The following GALNTL6 variants were observed in gnomAD, a reference collection of about 807,000 sequenced individuals.
The protein encoded by GALNTL6 is polypeptide N-acetylgalactosaminyltransferase-like 6.
In GALNTL6, 46 loss-of-function variants were observed where a neutral mutation model predicts 73.7. The observed-to-expected ratio is 0.62, with a 90% CI of 0.49 to 0.80. The LOEUF is 0.80. Among genes scored for constraint, GALNTL6 ranks in the 30% least tolerant of loss-of-function variants. The pLI, the probability that GALNTL6 is intolerant of heterozygous loss-of-function variation, is 0.00. For synonymous variants in GALNTL6, 259 were observed against 263.7 expected (o/e 0.98, Z 0.17); for missense variants, 604 against 755.0 (o/e 0.80, Z 2.34).
chr4:171,950,456 G>A (rs1011263290), intron 2 of GALNTL6, among the ~76,000 whole-genome samples: 6 of 150,086 alleles, frequency 4.0e-5, no homozygotes, highest in Non-Finnish European at 7.4e-5. Context: ...AGATAGGTGG[G>A]TGAGCAAAGT....
At chr4:172,268,038 GA>G (rs1738508971) in intron 3 of GALNTL6, among the ~76,000 whole-genome samples, 1 of 152,146 alleles carries the variant, frequency 6.6e-6, no homozygotes, top group Admixed American at 6.6e-5. Context: ...TTAGGGATTA[GA>G]AAAACTAGCA....
intron 2 of GALNTL6, among the ~76,000 whole-genome samples, chr4:172,132,612 G>A (rs1733529435): frequency 6.6e-6 from 1 of 151,920 alleles, no homozygotes; most frequent in South Asian, 2.1e-4. Flanking sequence ...TTAAATATAT[G>A]TTATTACTTC....
intron 5 of GALNTL6, among the ~76,000 whole-genome samples, chr4:172,542,973 T>G (rs2110878700): frequency 6.6e-6 from 1 of 151,764 alleles, no homozygotes; most frequent in Middle Eastern, 3.4e-3. Flanking sequence ...GGCACGTGCC[T>G]GTAATCTCAG....
At chr4:172,979,885 T>TC (rs749706819) in intron 10 of GALNTL6, among the ~76,000 whole-genome samples, 19 of 152,220 alleles carry the variant, frequency 1.2e-4, no homozygotes, top group Non-Finnish European at 2.5e-4. Flanking sequence ...TCTAATGTCC[T>TC]CCCCGCAATT....
In GALNTL6 at chr4:171,900,332, G is replaced by A. The variant is rs554722709; in HGVS notation, c.138+85614G>A. On this transcript the variant is annotated intron_variant, in intron 2 of 12. Coordinates refer to ENST00000506823, the MANE Select transcript of GALNTL6 (RefSeq NM_001034845.3). ...TATTTATTTATTTATTTTTGAGACAGAGTCTCACTCTGTTGCCCAGGCTGG... is the reference window on the plus strand; with the variant it reads ...TATTTATTTATTTATTTTTGAGACAAAGTCTCACTCTGTTGCCCAGGCTGG... Among the ~76,000 whole-genome samples, 431 of 152,182 alleles carry A rather than the reference G, an allele frequency of 2.8e-3. 5 individuals carry two copies. Among genetic ancestry groups the A allele is most frequent in the Non-Finnish European group, 4.5e-3 (303 of 68,008 alleles).
At chr4:172,635,506 C>G (rs1009012015) in intron 5 of GALNTL6, among the ~76,000 whole-genome samples, 3 of 151,890 alleles carry the variant, frequency 2.0e-5, no homozygotes, top group Admixed American at 2.0e-4. Flanking sequence ...ATCTGTCTTC[C>G]CCCCTTAACC....
chr4:171,818,356 A>G (rs533595716), intron 2 of GALNTL6, among the ~76,000 whole-genome samples: 2 of 152,036 alleles, frequency 1.3e-5, no homozygotes, highest in South Asian at 2.1e-4. Flanking sequence ...TACATTTTTA[A>G]AAACCCCAAA....
At chr4:172,956,016 C>G (rs1749732048) in intron 10 of GALNTL6, among the ~76,000 whole-genome samples, 1 of 152,116 alleles carries the variant, frequency 6.6e-6, no homozygotes, top group African/African-American at 2.4e-5. Context: ...TGTGTACGTG[C>G]AGGTCACAGG....
At chr4:172,843,283 G>C (rs1468421764) in intron 7 of GALNTL6, among the ~76,000 whole-genome samples, 2 of 152,166 alleles carry the variant, frequency 1.3e-5, no homozygotes, top group Non-Finnish European at 2.9e-5. Context: ...CTTTACTTCT[G>C]TTCTGCCTCT....
chr4:172,394,692 A>G (rs1743789609), intron 5 of GALNTL6, among the ~76,000 whole-genome samples: 1 of 151,940 alleles, frequency 6.6e-6, no homozygotes, highest in South Asian at 2.1e-4. Context: ...TTGACCTCCC[A>G]AAGTGCTGGG....
intron 2 of GALNTL6, chr4:172,052,669 GC>G: frequency 1.8e-6 from 1 of 549,126 alleles, no homozygotes; most frequent in Non-Finnish European, 3.2e-6. Context: ...GATCACTTTT[GC>G]CCAGGGTAGA....
intron 5 of GALNTL6, among the ~76,000 whole-genome samples, chr4:172,367,740 A>G (rs955316511): frequency 6.6e-6 from 1 of 152,208 alleles, no homozygotes. Flanking sequence ...CATTTTGTAC[A>G]TCTACAAATA....
intron 2 of GALNTL6, among the ~76,000 whole-genome samples, chr4:171,898,759 G>T (rs1204009481): frequency 6.6e-6 from 1 of 151,740 alleles, no homozygotes; most frequent in African/African-American, 2.4e-5. Context: ...TATTTTTGTG[G>T]GGTTCTAGAA....
At chr4:172,883,913 A>G (rs1287188216) in intron 8 of GALNTL6, among the ~76,000 whole-genome samples, 2 of 151,684 alleles carry the variant, frequency 1.3e-5, no homozygotes, top group Non-Finnish European at 2.9e-5. Flanking sequence ...GATTTATTTC[A>G]CTTAAAATAA....
At chr4:171,972,352 A>G (rs940926284) in intron 2 of GALNTL6, among the ~76,000 whole-genome samples, 3 of 152,156 alleles carry the variant, frequency 2.0e-5, no homozygotes, top group Non-Finnish European at 4.4e-5. Flanking sequence ...ATATTAAATG[A>G]TACTTCTAAC....
chr4:172,546,978 C>G (rs892178552), intron 5 of GALNTL6, among the ~76,000 whole-genome samples: 2 of 151,228 alleles, frequency 1.3e-5, no homozygotes, highest in African/African-American at 4.9e-5. Flanking sequence ...AAACTCTATG[C>G]GTTCAACAAT....
intron 10 of GALNTL6, among the ~76,000 whole-genome samples, chr4:172,974,805 A>AG (rs1750733302): frequency 6.6e-6 from 1 of 152,238 alleles, no homozygotes; most frequent in Non-Finnish European, 1.5e-5. Flanking sequence ...CGGCTGCAGC[A>AG]GGGCAGGCAG....
At chr4:172,489,354 G>T (rs889766676) in intron 5 of GALNTL6, among the ~76,000 whole-genome samples, 1 of 151,984 alleles carries the variant, frequency 6.6e-6, no homozygotes, top group African/African-American at 2.4e-5. Context: ...TAGTTTTCAA[G>T]GAAAAAATAA....
At chr4:172,479,381 C>T (rs1733359593) in intron 5 of GALNTL6, among the ~76,000 whole-genome samples, 1 of 152,118 alleles carries the variant, frequency 6.6e-6, no homozygotes, top group African/African-American at 2.4e-5. Context: ...GAATACTACT[C>T]AGTTATTAAA....
Sources: gnomAD v4.1 joint callset for allele counts (sites outside exome capture counted in the v4.1 genomes callset) on GRCh38, gnomAD v4.1.1 for gene constraint, MANE v1.5 for transcripts, NCBI Gene and HGNC (gene_info 2026-07-23, HGNC 2026-07-21) for gene names.